The following EPHB3 variants were observed in gnomAD, a reference collection of about 807,000 sequenced individuals.
EPHB3 encodes ephrin type-B receptor 3.
In EPHB3, 33 loss-of-function variants were observed where a neutral mutation model predicts 100.2. That is an observed-to-expected ratio of 0.33 (90% CI 0.25 to 0.44). EPHB3 has a LOEUF of 0.44. Among genes scored for constraint, EPHB3 ranks in the 20% least tolerant of loss-of-function variants. EPHB3 has a pLI of 1.00. For synonymous variants in EPHB3, 526 were observed against 554.7 expected, an observed-to-expected ratio of 0.95 and a Z score of 0.73; for missense variants, 1,045 against 1,378.3, an observed-to-expected ratio of 0.76 and a Z score of 3.83.
At position 184,575,840 on chromosome 3, in the gene EPHB3, T is replaced by G; in HGVS notation, c.867T>G (p.Pro289=). ...TCTTCTCTCCCACAGCCTGTCCCCC[T>G]GGGAGCTACAAGGCGAAGCAGGGAG... ...AKESQCRPCP[P]GSYKAKQGEG... is the part of the protein sequence containing the mutation. Residue 289 remains proline (P), a synonymous_variant, in exon 4 of 16, where the codon CCT becomes CCG. Transcript: ENST00000330394. The G allele has an allele frequency of 6.2e-7, 1 of 1,607,396 alleles. No homozygotes were observed. The highest frequency in any genetic ancestry group is 8.5e-7 in the Non-Finnish European group (1 of 1,176,646).
At position 184,580,572 on chromosome 3, in the gene EPHB3, C is replaced by G. The variant is rs537769082; in HGVS notation, c.2343C>G (p.Arg781=). Residue 781 remains arginine, a synonymous_variant, in exon 12 of 16, where the codon CGC becomes CGG. Transcript: ENST00000330394. ...AAGTCTCAGACTTTGGCCTCTCCCG[C>G]TTCCTGGAGGATGACCCCTCCGATC... ...VCKVSDFGLS[R]FLEDDPSDPT... 6.2e-7 allele frequency: 1 copy of G among 1,614,216 alleles called. No homozygotes were observed. The highest frequency in any genetic ancestry group is 1.7e-5 in the Admixed American group (1 of 60,030).
At chr3:184,576,777 C>T in intron 4 of EPHB3, 65 bp from the exon 5 acceptor site, 4 of 1,471,356 alleles carry the variant, frequency 2.7e-6, no homozygotes, top group Non-Finnish European at 3.6e-6. Flanking sequence ...TGTGCTGGAA[C>T]TCCGGGCAGA....
Position 184,572,783 on chromosome 3 carries a change from G to A in EPHB3, c.463G>A (p.Val155Met), listed in dbSNP as rs761249780. 9.4e-6 allele frequency: 15 copies of A among 1,601,688 alleles called. No homozygotes were observed. The highest frequency in any genetic ancestry group is 4.0e-5 in the African/African-American group (3 of 74,312). The part of the protein sequence containing the change: ...SSPFWMENPY[V>M]KVDTIAPDES... ...CCCCTTCTGGATGGAGAACCCCTACGTGAAAGTGGACACCATTGCACCCGA... is the reference window on the plus strand; with the variant it reads ...CCCCTTCTGGATGGAGAACCCCTACATGAAAGTGGACACCATTGCACCCGA... Residue 155 changes from valine to methionine, a missense_variant, in exon 3 of 16, where the codon GTG (valine) becomes ATG (methionine). Val to Met is a conservative substitution (Grantham distance 21). Around this residue, in one of 2 missense-constraint regions of EPHB3, gnomAD observed 985 missense variants for 1,331.1 expected, o/e 0.74. Transcript: ENST00000330394. This position sits in a 1 kb window ranked among gnomAD's most constrained non-coding sequence, Gnocchi z 6.6.
In EPHB3 at chr3:184,581,672, C is replaced by T. The variant is rs1041930346; in HGVS notation, c.*50C>T. On this transcript the variant is annotated 3_prime_UTR_variant, in exon 16 of 16. Transcript: ENST00000330394. ...GGACCGTGCAGGGATGCCAAGCAGCCGGCTGGACTTTCGGACTCTTGGACT... is the reference window on the plus strand; with the variant it reads ...GGACCGTGCAGGGATGCCAAGCAGCTGGCTGGACTTTCGGACTCTTGGACT... 20 of 1,488,964 alleles carry T rather than the reference C, an allele frequency of 1.3e-5. No individual in the cohort carries two copies. The highest frequency in any genetic ancestry group is 1.2e-4 in the Admixed American group (5 of 40,880). The allele number at this position is 1,488,964 out of a possible 1,614,324, so 92.2% of individuals were successfully genotyped here.
In EPHB3 at chr3:184,569,196, G is replaced by A. The variant is rs1017299408; in HGVS notation, c.119-2122G>A. Among the ~76,000 whole-genome samples the A allele has an allele frequency of 1.3e-5, 2 of 152,040 alleles. No individual in the cohort carries two copies. The highest frequency in any genetic ancestry group is 4.1e-4 in the South Asian group (2 of 4,836). On this transcript the variant is annotated intron_variant, in intron 1 of 15. Transcript: ENST00000330394. The surrounding 1 kb of genome is among the most constrained non-coding windows in gnomAD (Gnocchi z 5.4). The stretch of plus-strand genomic sequence containing the variant: ...CCCGGCCTGCTCCGGCGGGCGGACC[G>A]GCGGGCGGACCGGCGGGAGGACTGG...
chr3:184,581,139 C>T lies in EPHB3; in HGVS notation c.2706C>T (p.Leu902=), dbSNP rs760891816. ...AGCTCATCCGCAATGCTGCCAGCCTCAAGGTCATTGCCAGCGCTCAGTCTG... is the reference window on the plus strand; with the variant it reads ...AGCTCATCCGCAATGCTGCCAGCCTTAAGGTCATTGCCAGCGCTCAGTCTG... ...LDKLIRNAAS[L]KVIASAQSGM... is the part of the protein sequence containing the mutation. The change falls in exon 14 of 16, where the codon CTC becomes CTT. Residue 902 remains leucine (L), a synonymous_variant. Coordinates refer to ENST00000330394, the MANE Select transcript of EPHB3 (RefSeq NM_004443.4). The T allele has an allele frequency of 1.2e-6, 2 of 1,614,214 alleles. No homozygotes were observed. Among genetic ancestry groups the T allele is most frequent in the South Asian group, 2.2e-5 (2 of 91,076 alleles).
chr3:184,575,859 C>G lies in EPHB3; in HGVS notation c.886C>G (p.Gln296Glu), dbSNP rs1714661675. ...TCCCCCTGGGAGCTACAAGGCGAAGCAGGGAGAGGGGCCCTGCCTCCCATG... is the reference window on the plus strand; with the variant it reads ...TCCCCCTGGGAGCTACAAGGCGAAGGAGGGAGAGGGGCCCTGCCTCCCATG... ...PCPPGSYKAK[Q>E]GEGPCLPCPP... The change falls in exon 4 of 16, where the codon CAG becomes GAG. Residue 296 changes from glutamine to glutamate, a missense_variant. Gln to Glu is a conservative substitution (Grantham distance 29, BLOSUM62 2). Transcript: ENST00000330394. The G allele has an allele frequency of 6.2e-7, 1 of 1,612,376 alleles. No individual in the cohort carries two copies. The highest frequency in any genetic ancestry group is 1.3e-5 in the African/African-American group (1 of 74,874).
chr3:184,577,163 A>G lies in EPHB3; in HGVS notation c.1334A>G (p.Asn445Ser). 6.2e-7 allele frequency: 1 copy of G among 1,603,350 alleles called. No homozygotes were observed. Among genetic ancestry groups the G allele is most frequent in the Non-Finnish European group, 8.5e-7 (1 of 1,172,934 alleles). The stretch of plus-strand genomic sequence containing the variant: ...CTGCCGCCTCGTTATGCGGCCGTGA[A>G]TATCACCACAAACCAGGCTGGTGAG... ...SPLPPRYAAV[N>S]ITTNQAAPSE... The change falls in exon 5 of 16, where the codon AAT becomes AGT. Residue 445 changes from asparagine to serine, a missense_variant. Physicochemically the swap from Asn to Ser is conservative, Grantham distance 46 (BLOSUM62 1). Coordinates refer to ENST00000330394, the MANE Select transcript of EPHB3 (RefSeq NM_004443.4). The surrounding 1 kb of genome is among the most constrained non-coding windows in gnomAD (Gnocchi z 4.9).
intron 3 of EPHB3, among the ~76,000 whole-genome samples, chr3:184,574,470 C>T (rs1284174153): frequency 6.6e-6 from 1 of 152,218 alleles, no homozygotes; most frequent in Non-Finnish European, 1.5e-5. Context: ...GAAGCCTCCT[C>T]CTGTGCTCTG....
In EPHB3 at chr3:184,577,718, C is replaced by T. The variant is rs137990292; in HGVS notation, c.1540C>T (p.Arg514Trp). 1.1e-5 allele frequency: 18 copies of T among 1,611,100 alleles called. No individual in the cohort carries two copies. The highest frequency in any genetic ancestry group is 6.7e-5 in the East Asian group (3 of 44,812). ...GAACTCCGTGCAGCTGGACGGGCTT[C>T]GGCCTGACGCCCGCTATGTGGTCCA... The part of the protein sequence containing the change: ...QMNSVQLDGL[R>W]PDARYVVQVR... Residue 514 changes from arginine (R) to tryptophan (W), a missense_variant, in exon 7 of 16, where the codon CGG becomes TGG. Physicochemically the swap from Arg to Trp is moderately radical, Grantham distance 101 (BLOSUM62 -3). Transcript: ENST00000330394. This position sits in a 1 kb window ranked among gnomAD's most constrained non-coding sequence, Gnocchi z 4.9.
intron 1 of EPHB3, among the ~76,000 whole-genome samples, chr3:184,566,153 C>T (rs961147996): frequency 2.0e-5 from 3 of 152,104 alleles, no homozygotes; most frequent in Non-Finnish European, 4.4e-5. Flanking sequence ...GCCTCCTGGC[C>T]AGACCCAGTG....
At position 184,578,502 on chromosome 3, in the gene EPHB3, C is replaced by T; in HGVS notation, c.1801+36C>T. 6.2e-7 allele frequency: 1 copy of T among 1,612,396 alleles called. No individual in the cohort carries two copies. Among genetic ancestry groups the T allele is most frequent in the Non-Finnish European group, 8.5e-7 (1 of 1,179,188 alleles). The stretch of plus-strand genomic sequence containing the variant: ...CCCCGCCGCCCTCCCCAAGCTCTCC[C>T]AGCCCCCTGCAGGGCTCTCAGACAC... On this transcript the variant is annotated intron_variant, in intron 9 of 15. Transcript: ENST00000330394. The surrounding 1 kb of genome is among the most constrained non-coding windows in gnomAD (Gnocchi z 4.7).
chr3:184,574,672 C>G (rs954538854), intron 3 of EPHB3, among the ~76,000 whole-genome samples: 1 of 152,156 alleles, frequency 6.6e-6, no homozygotes, highest in East Asian at 1.9e-4. Context: ...GTGCCTTTCC[C>G]GGGCCCTCTC....
In EPHB3 at chr3:184,579,351, A is replaced by T; in HGVS notation, c.1802-126A>T. On this transcript the variant is annotated intron_variant, in intron 9 of 15. Coordinates refer to ENST00000330394, the MANE Select transcript of EPHB3 (RefSeq NM_004443.4). The surrounding 1 kb of genome is among the most constrained non-coding windows in gnomAD (Gnocchi z 5.2). ...CACCAGGAGTTCTCATGGGAGCTGG[A>T]GGATTAGGGCAGCAACACAGAGGAA... The T allele has an allele frequency of 7.1e-7, 1 of 1,411,678 alleles. No individual in the cohort carries two copies. Among genetic ancestry groups the T allele is most frequent in the South Asian group, 1.5e-5 (1 of 68,304 alleles). The allele number at this position is 1,411,678 out of a possible 1,614,324, so 87.4% of individuals were successfully genotyped here.
Position 184,569,794 on chromosome 3 carries a change from C to A in EPHB3, c.119-1524C>A, listed in dbSNP as rs1442331290. Among the ~76,000 whole-genome samples, 1 of 152,274 alleles carries A rather than the reference C, an allele frequency of 6.6e-6. No homozygotes were observed. The highest frequency in any genetic ancestry group is 1.5e-5 in the Non-Finnish European group (1 of 68,050). ...CCGGGAAACCACTGAAGGCTGCAAG[C>A]CTGTGGCCGCGGGGTTTGGGCTTTT... On this transcript the variant is annotated intron_variant, in intron 1 of 15. Transcript: ENST00000330394. This position sits in a 1 kb window ranked among gnomAD's most constrained non-coding sequence, Gnocchi z 5.4.
Position 184,579,766 on chromosome 3 carries a change from G to A in EPHB3, c.2004G>A (p.Lys668=), listed in dbSNP as rs759410528. The change falls in exon 11 of 16, where the codon AAG becomes AAA. Residue 668 remains lysine, a synonymous_variant. Transcript: ENST00000330394. The surrounding 1 kb of genome is among the most constrained non-coding windows in gnomAD (Gnocchi z 5.2). Reference sequence around the variant, plus strand: ...TGTTTGTGGCCATCAAGACGCTGAAGGTGGGCTACACCGAGAGGCAGCGGC... The same window carrying A: ...TGTTTGTGGCCATCAAGACGCTGAAAGTGGGCTACACCGAGAGGCAGCGGC... The part of the protein sequence containing the change: ...REVFVAIKTL[K]VGYTERQRRD... 8 of 1,612,418 alleles carry A rather than the reference G, an allele frequency of 5.0e-6. No homozygotes were observed. The highest frequency in any genetic ancestry group is 6.8e-6 in the Non-Finnish European group (8 of 1,179,456).
chr3:184,580,325 CG>C, intron 11 of EPHB3, 76 bp from the exon 12 acceptor site: 23 of 1,579,022 alleles, frequency 1.5e-5, no homozygotes, highest in Non-Finnish European at 1.9e-5. Flanking sequence ...TCTGAGTACT[CG>C]GAGAGGGAAG....
chr3:184,580,420 A>G lies in EPHB3; in HGVS notation c.2191A>G (p.Thr731Ala), dbSNP rs1217426361. 6.2e-7 allele frequency: 1 copy of G among 1,614,074 alleles called. No homozygotes were observed. Among genetic ancestry groups the G allele is most frequent in the Non-Finnish European group, 8.5e-7 (1 of 1,180,034 alleles). ...SFLRLNDGQF[T>A]VIQLVGMLRG... is the part of the protein sequence containing the mutation. ...CCTGCAGCTCAACGATGGGCAGTTC[A>G]CGGTCATCCAGCTGGTGGGCATGTT... Residue 731 changes from threonine to alanine, a missense_variant, in exon 12 of 16, where the codon ACG (threonine) becomes GCG (alanine). This residue lies in a region of EPHB3 where 985 missense variants were observed against 1,331.1 expected (regional missense o/e 0.74). Coordinates refer to ENST00000330394, the MANE Select transcript of EPHB3 (RefSeq NM_004443.4).
Position 184,569,540 on chromosome 3 carries a change from C to A in EPHB3, c.119-1778C>A, listed in dbSNP as rs1714487658. Among the ~76,000 whole-genome samples, 1 of 152,138 alleles carries A rather than the reference C, an allele frequency of 6.6e-6. No homozygotes were observed. The highest frequency in any genetic ancestry group is 2.4e-5 in the African/African-American group (1 of 41,434). On this transcript the variant is annotated intron_variant, in intron 1 of 15. Transcript: ENST00000330394. This position sits in a 1 kb window ranked among gnomAD's most constrained non-coding sequence, Gnocchi z 5.4. ...GGCTTCCCTCGAGTACCCCCCAGGC[C>A]GAATGTCTGTGTCTGTCTGTCTGTC...
Sources: allele counts gnomAD v4.1 joint callset (sites outside exome capture counted in the v4.1 genomes callset), GRCh38; gene constraint gnomAD v4.1.1; regional missense constraint gnomAD v4.1.1; non-coding constraint Gnocchi (gnomAD v3.1); transcripts MANE v1.5; gene names NCBI Gene and HGNC (gene_info 2026-07-23, HGNC 2026-07-21).